CLYBL: variants seen among roughly 807,000 people sequenced by gnomAD.
CLYBL encodes the protein citramalyl-CoA lyase, mitochondrial.
A neutral mutation model predicts 38.9 loss-of-function variants in CLYBL; 31 were observed. The observed-to-expected ratio is 0.80, with a 90% CI of 0.60 to 1.08. The LOEUF (loss-of-function observed/expected upper bound fraction) is 1.08, where lower values mean the gene tolerates loss of function less well. Ranked by LOEUF, CLYBL falls within the 50% of genes least tolerant of loss-of-function variation. The pLI, the probability that CLYBL is intolerant of heterozygous loss-of-function variation, is 0.00. For missense variants in CLYBL, 434 were observed against 411.6 expected (o/e 1.05, Z -0.47); for synonymous variants, 171 against 158.6 (o/e 1.08, Z -0.59).
intron 1 of CLYBL, among the ~76,000 whole-genome samples, chr13:99,743,966 C>CTTTTTTTTTTTTTTTTTTTT (rs1162079530): frequency 5.8e-5 from 4 of 69,180 alleles, no homozygotes; most frequent in African/African-American, 1.2e-4. Flanking sequence ...TCTCTTCTTT[C>CTTTTTTTTTTTTTTTTTTTT]TTTTTTTTTT....
intron 1 of CLYBL, among the ~76,000 whole-genome samples, chr13:99,694,599 G>T (rs191222029): frequency 7.9e-5 from 12 of 152,132 alleles, no homozygotes; most frequent in Admixed American, 6.5e-5. Flanking sequence ...TGTATCATGT[G>T]GGGTGCTCCT....
intron 3 of CLYBL, among the ~76,000 whole-genome samples, chr13:99,862,374 A>G (rs1432052116): frequency 6.6e-6 from 1 of 152,128 alleles, no homozygotes; most frequent in Non-Finnish European, 1.5e-5. Flanking sequence ...AATTTGGGCT[A>G]CCCCACTGGC....
rs575397822 is a variant in CLYBL at position 99,728,439 on chromosome 13, C to T, written c.63-44385C>T. Among the ~76,000 whole-genome samples, 68 of 151,968 alleles carry T rather than the reference C, an allele frequency of 4.5e-4. 2 individuals are homozygous for T. In the South Asian group the frequency reaches 6.2e-3, roughly 14 times the overall value. ...GACTACGGGTGTGTGCCACCACATC[C>T]GGCTAATTTTTTGTATTTTTAGTAG... is the stretch of plus-strand genomic sequence containing the variant. On this transcript the variant is annotated intron_variant, in intron 1 of 8. Coordinates refer to ENST00000339105, the MANE Select transcript of CLYBL (RefSeq NM_206808.5).
chr13:99,893,054 A>G (rs2281756), downstream of CLYBL: 72,675 of 152,218 alleles, frequency 0.48, 18,997 homozygotes, highest in Non-Finnish European at 0.59. Context: ...GGAGACAGAT[A>G]GCTCCTAAAT....
chr13:99,814,494 A>G (rs2050402921), intron 2 of CLYBL, among the ~76,000 whole-genome samples: 1 of 152,232 alleles, frequency 6.6e-6, no homozygotes, highest in African/African-American at 2.4e-5. Flanking sequence ...AGGCCAAGGC[A>G]AGAGGATCGC....
rs1324325991 is a variant in CLYBL at position 99,772,972 on chromosome 13, G to A, written c.211G>A (p.Val71Met). 1 of 1,612,066 alleles carries A rather than the reference G, an allele frequency of 6.2e-7. No homozygotes were observed. Among genetic ancestry groups the A allele is most frequent in the Admixed American group, 1.7e-5 (1 of 59,348 alleles). Residue 71 changes from valine (V) to methionine (M), a missense_variant, in exon 2 of 9, where the codon GTG becomes ATG. Physicochemically the swap from Val to Met is conservative, Grantham distance 21. Coordinates refer to ENST00000339105, the MANE Select transcript of CLYBL (RefSeq NM_206808.5). ...TCCATCCCTGAATGTAGATTGTGCA[G>A]TGCTCGACTGTGAGGATGGAGTGGC... is the stretch of plus-strand genomic sequence containing the variant. ...KIPSLNVDCA[V>M]LDCEDGVAAN...
At chr13:99,862,915 ATAC>A in intron 3 of CLYBL, 73 bp from the exon 4 acceptor site, 3 of 626,504 alleles carry the variant, frequency 4.8e-6, no homozygotes, top group Non-Finnish European at 8.2e-6. Context: ...AAAGACTTAA[ATAC>A]TACTTCTGGG....
Position 99,793,289 on chromosome 13 carries a change from G to A in CLYBL, c.249+20279G>A, listed in dbSNP as rs537226194. ...ATGGGGAGCCAACTCCTCTTCAATA[G>A]GGGTGTGAAATTAGGATGGGAAGGC... is the stretch of plus-strand genomic sequence containing the variant. On this transcript the variant is annotated intron_variant, in intron 2 of 8. Transcript: ENST00000339105. Among the ~76,000 whole-genome samples, 11 of 152,188 alleles carry A rather than the reference G, an allele frequency of 7.2e-5. No individual in the cohort carries two copies. In the South Asian group the frequency reaches 2.3e-3, roughly 32 times the overall value.
At chr13:99,867,987 A>G (rs1393747515) in intron 6 of CLYBL, among the ~76,000 whole-genome samples, 1 of 152,098 alleles carries the variant, frequency 6.6e-6, no homozygotes, top group African/African-American at 2.4e-5. Flanking sequence ...AAGACAGGCT[A>G]TTTCAAATCA....
At chr13:99,699,246 G>A (rs936002376) in intron 1 of CLYBL, among the ~76,000 whole-genome samples, 7 of 152,106 alleles carry the variant, frequency 4.6e-5, no homozygotes, top group African/African-American at 1.7e-4. Flanking sequence ...TTAGCTGGGT[G>A]TGGTGGTGGG....
chr13:99,627,586 T>A (rs2046888253), intron 1 of CLYBL, among the ~76,000 whole-genome samples: 2 of 152,226 alleles, frequency 1.3e-5, no homozygotes, highest in South Asian at 4.1e-4. Flanking sequence ...TTTGTTTTAT[T>A]TGAATTTGAA....
intron 3 of CLYBL, among the ~76,000 whole-genome samples, chr13:99,860,784 A>T (rs2051581354): frequency 6.6e-6 from 1 of 152,236 alleles, no homozygotes; most frequent in South Asian, 2.1e-4. Context: ...ATTTATGCGA[A>T]GCATAAAACC....
At chr13:99,786,112 A>G (rs2049786663) in intron 2 of CLYBL, among the ~76,000 whole-genome samples, 1 of 151,936 alleles carries the variant, frequency 6.6e-6, no homozygotes, top group African/African-American at 2.4e-5. Context: ...ATATAGTAAT[A>G]AATGATTATC....
chr13:99,886,099 C>G (rs1020753451), intron 7 of CLYBL, among the ~76,000 whole-genome samples: 5 of 152,254 alleles, frequency 3.3e-5, no homozygotes, highest in African/African-American at 9.6e-5. Flanking sequence ...CCGCTGTATT[C>G]AAATATTAGC....
At chr13:99,863,761 T>C (rs553356465) in intron 4 of CLYBL, among the ~76,000 whole-genome samples, 1 of 152,336 alleles carries the variant, frequency 6.6e-6, no homozygotes, top group East Asian at 1.9e-4. Flanking sequence ...TGCCTCTCAT[T>C]CCACCTGACC....
intron 1 of CLYBL, among the ~76,000 whole-genome samples, chr13:99,754,433 A>AAAAAAAAG (rs1235550332): frequency 9.3e-5 from 14 of 150,428 alleles, no homozygotes; most frequent in Non-Finnish European, 1.5e-4. Flanking sequence ...AAAAAAAAAA[A>AAAAAAAAG]AAAAAAGAGG....
At position 99,752,891 on chromosome 13, in the gene CLYBL, C is replaced by T. The variant is rs776286201; in HGVS notation, c.63-19933C>T. Among the ~76,000 whole-genome samples the T allele has an allele frequency of 4.5e-4, 68 of 152,266 alleles. No individual in the cohort carries two copies. The Middle Eastern group carries it at 0.01, about 23-fold the overall frequency. ...CTGGGACAGCCAAAAAGGAAAAATT[C>T]TCTGAACCCAGTGGAAGACAGACAG... On this transcript the variant is annotated intron_variant, in intron 1 of 8. Coordinates refer to ENST00000339105, the MANE Select transcript of CLYBL (RefSeq NM_206808.5).
Position 99,864,914 on chromosome 13 carries a change from G to A in CLYBL, c.634+3G>A. 1 of 1,588,882 alleles carries A rather than the reference G, an allele frequency of 6.3e-7. No homozygotes were observed. Among genetic ancestry groups the A allele is most frequent in the African/African-American group, 1.3e-5 (1 of 74,244 alleles). On this transcript the variant is annotated splice_donor_region_variant and intron_variant, in intron 5 of 8. Transcript: ENST00000339105. ...AGAAGACTTTCGAGCCAGCATAGGT[G>A]TCAAAGACATCTCTCTCTCTCTTTT...
chr13:99,647,736 A>C (rs991716827), intron 1 of CLYBL, among the ~76,000 whole-genome samples: 1 of 152,226 alleles, frequency 6.6e-6, no homozygotes, highest in African/African-American at 2.4e-5. Context: ...ATTAGAAGCA[A>C]ATTTGGTGCC....
Sources: allele counts gnomAD v4.1 joint callset (sites outside exome capture counted in the v4.1 genomes callset), GRCh38; gene constraint gnomAD v4.1.1; transcripts MANE v1.5; gene names NCBI Gene and HGNC (gene_info 2026-07-23, HGNC 2026-07-21).